Variants in USP22 observed in about 807,000 individuals in gnomAD.
USP22 encodes ubiquitin carboxyl-terminal hydrolase 22.
A neutral mutation model predicts 68.1 loss-of-function variants in USP22; 22 were observed. The observed-to-expected ratio is 0.32, with a 90% CI of 0.23 to 0.46. The LOEUF (loss-of-function observed/expected upper bound fraction) is 0.46, where lower values mean the gene tolerates loss of function less well. USP22 is among the 20% of genes least tolerant of loss of function. The pLI, the probability that USP22 is intolerant of heterozygous loss-of-function variation, is 1.00. For missense variants in USP22, 433 were observed against 695.8 expected, an observed-to-expected ratio of 0.62 and a Z score of 4.25; for synonymous variants, 279 against 274.2, an observed-to-expected ratio of 1.02 and a Z score of -0.17.
intron 1 of USP22, among the ~76,000 whole-genome samples, chr17:21,030,443 A>G (rs1972275550): frequency 6.6e-6 from 1 of 152,174 alleles, no homozygotes; most frequent in Admixed American, 6.5e-5. Context: ...TTGAGGCAAT[A>G]GATATATACA....
rs1291805594 is a variant in USP22, at chr17:21,001,808, T to C, written c.*1223A>G. On this transcript the variant is annotated 3_prime_UTR_variant, in exon 13 of 13. Coordinates refer to ENST00000261497, the MANE Select transcript of USP22 (RefSeq NM_015276.2). ...TGGACAAATGGACAAACCATCTCTG[T>C]TTGAATTTGAATACACAGATACATG... 1 of 152,236 alleles carries C rather than the reference T, an allele frequency of 6.6e-6. No homozygotes were observed. The highest frequency in any genetic ancestry group is 1.5e-5 in the Non-Finnish European group (1 of 68,040). The allele number at this position is 152,236 out of a possible 1,614,324, so 9.4% of individuals were successfully genotyped here.
rs141665186 is a variant in USP22 at position 21,033,663 on chromosome 17, A to C, written c.172-4989T>G. Among the ~76,000 whole-genome samples, 230 of 152,314 alleles carry C rather than the reference A, an allele frequency of 1.5e-3. 1 individual carries two copies. The highest frequency in any genetic ancestry group is 6.8e-3 in the Middle Eastern group (2 of 294). The stretch of plus-strand genomic sequence containing the variant: ...CTTCCTACTGGTCTAAAACCTGAGC[A>C]TCTTAGGAAGGTAAGTTTAATTCTT... On this transcript the variant is annotated intron_variant, in intron 1 of 12. Coordinates refer to ENST00000261497, the MANE Select transcript of USP22 (RefSeq NM_015276.2).
At chr17:21,031,514 G>A (rs1042426628) in intron 1 of USP22, among the ~76,000 whole-genome samples, 1 of 150,390 alleles carries the variant, frequency 6.6e-6, no homozygotes, top group Non-Finnish European at 1.5e-5. Context: ...CACAACCTAG[G>A]ACTATGCTAC....
chr17:21,004,893 G>C (rs201762526), intron 11 of USP22, 35 bp downstream of exon 11: 1 of 1,612,418 alleles, frequency 6.2e-7, no homozygotes, highest in Non-Finnish European at 8.5e-7. Context: ...CTTGGCCAGA[G>C]GCCCTGGACA....
chr17:21,004,397 C>A, intron 11 of USP22, 46 bp from the exon 12 acceptor site: 1 of 1,605,448 alleles, frequency 6.2e-7, no homozygotes, highest in South Asian at 1.1e-5. Context: ...GACTTGATGC[C>A]GTCACTTGAG....
chr17:21,042,007 G>C (rs1272418292), intron 1 of USP22, among the ~76,000 whole-genome samples: 2 of 151,970 alleles, frequency 1.3e-5, no homozygotes, highest in African/African-American at 4.8e-5. Flanking sequence ...CGCGGGCCCC[G>C]AGGCAGCCGC....
chr17:21,028,573 G>A lies in USP22; in HGVS notation c.273C>T (p.His91=), dbSNP rs779258413. ...TGTGCCGCTTCGCCTTCGCATGCTC[G>A]TGAATATGCTTCTTTGTGAAACAGC... is the stretch of plus-strand genomic sequence containing the variant. The part of the protein sequence containing the change: ...FFGCFTKKHI[H]EHAKAKRHNL... The change falls in exon 2 of 13, where the codon CAC becomes CAT. Residue 91 remains histidine, a synonymous_variant. Coordinates refer to ENST00000261497, the MANE Select transcript of USP22 (RefSeq NM_015276.2). 1.7e-5 allele frequency: 27 copies of A among 1,613,916 alleles called. No individual in the cohort carries two copies. The highest frequency in any genetic ancestry group is 1.6e-4 in the Middle Eastern group (1 of 6,082).
chr17:21,038,603 G>A (rs1972385838), intron 1 of USP22, among the ~76,000 whole-genome samples: 1 of 151,750 alleles, frequency 6.6e-6, no homozygotes, highest in Non-Finnish European at 1.5e-5. Context: ...AGGAACTCGA[G>A]GCTGCAGTGA....
In USP22 at chr17:21,004,176, C is replaced by A. The variant is rs751122870; in HGVS notation, c.1535+26G>T. On this transcript the variant is annotated intron_variant, in intron 12 of 12. Coordinates refer to ENST00000261497, the MANE Select transcript of USP22 (RefSeq NM_015276.2). ...GGGAAGCACCGTAGCCACCGTAGGG[C>A]CTTCCTCCCACCCCACAGGACGCAC... 3.0e-5 allele frequency: 49 copies of A among 1,610,804 alleles called. No homozygotes were observed. In the Admixed American group the frequency reaches 7.8e-4, roughly 26 times the overall value.
At chr17:21,003,310 T>C (rs894992602) in intron 12 of USP22, among the ~76,000 whole-genome samples, 7 of 152,134 alleles carry the variant, frequency 4.6e-5, no homozygotes, top group Non-Finnish European at 7.4e-5. Context: ...AGGTCACCCA[T>C]TGCCTCACCC....
At chr17:21,021,606 A>C (rs1025273021) in intron 2 of USP22, among the ~76,000 whole-genome samples, 2 of 152,198 alleles carry the variant, frequency 1.3e-5, no homozygotes, top group Non-Finnish European at 2.9e-5. Context: ...GCTTCCCTCC[A>C]TCTAGAATTC....
intron 1 of USP22, among the ~76,000 whole-genome samples, chr17:21,029,326 A>G (rs1972260439): frequency 6.6e-6 from 1 of 152,378 alleles, no homozygotes; most frequent in African/African-American, 2.4e-5. Context: ...ATTCGAGCAC[A>G]GAAATGAGTA....
chr17:21,012,248 A>AC (rs1347650516), intron 7 of USP22, among the ~76,000 whole-genome samples: 1 of 151,640 alleles, frequency 6.6e-6, no homozygotes, highest in Non-Finnish European at 1.5e-5. Flanking sequence ...CATACACAAG[A>AC]CCCCATGCCT....
intron 1 of USP22, among the ~76,000 whole-genome samples, chr17:21,033,825 T>A (rs1012125404): frequency 6.6e-6 from 1 of 151,712 alleles, no homozygotes; most frequent in East Asian, 1.9e-4. Context: ...CTCCGCTAAC[T>A]GCAACCTCCG....
At position 21,028,683 on chromosome 17, in the gene USP22, CAGAGA is replaced by C. The variant is rs770891383; in HGVS notation, c.172-14_172-10del. ...CAGATACAGGACTTGGCCTGAAATT[CAGAGA>C]AGAGGAGGAGTGAACGCTGTGTGAT... is the stretch of plus-strand genomic sequence containing the variant. On this transcript the variant is annotated splice_polypyrimidine_tract_variant and intron_variant, in intron 1 of 12. Coordinates refer to ENST00000261497, the MANE Select transcript of USP22 (RefSeq NM_015276.2). The C allele has an allele frequency of 5.6e-6, 9 of 1,613,210 alleles. No homozygotes were observed. The highest frequency in any genetic ancestry group is 1.7e-6 in the Non-Finnish European group (2 of 1,179,892).
chr17:21,013,368 G>C (rs1308109997), intron 6 of USP22, among the ~76,000 whole-genome samples: 2 of 152,190 alleles, frequency 1.3e-5, no homozygotes, highest in Non-Finnish European at 2.9e-5. Context: ...TTCAGAAAGT[G>C]ACACCGCAGG....
chr17:21,034,931 G>T (rs1361532104), intron 1 of USP22, among the ~76,000 whole-genome samples: 1 of 152,168 alleles, frequency 6.6e-6, no homozygotes. Flanking sequence ...AATACAAATG[G>T]GGTTCAGTAT....
chr17:21,012,681 C>T, intron 7 of USP22, 149 bp downstream of exon 7: 1 of 711,584 alleles, frequency 1.4e-6, no homozygotes, highest in Non-Finnish European at 2.3e-6. Flanking sequence ...ACCCCCACCC[C>T]ACAACCTTCG....
chr17:21,020,160 T>C (rs1217461334), intron 3 of USP22, among the ~76,000 whole-genome samples: 4 of 141,624 alleles, frequency 2.8e-5, no homozygotes, highest in African/African-American at 8.0e-5. Context: ...GATCAGATGC[T>C]CACCTGTCAA....
Sources: gnomAD v4.1 joint callset for allele counts (sites outside exome capture counted in the v4.1 genomes callset) on GRCh38, gnomAD v4.1.1 for gene constraint, MANE v1.5 for transcripts, NCBI Gene and HGNC (gene_info 2026-07-23, HGNC 2026-07-21) for gene names.